The following SPHKAP variants were observed in gnomAD, a reference collection of about 807,000 sequenced individuals.
SPHKAP encodes SPHK1 interactor, AKAP domain containing.
In SPHKAP, 67 loss-of-function variants were observed where a neutral mutation model predicts 137.5. The observed-to-expected ratio is 0.49, with a 90% CI of 0.40 to 0.60. SPHKAP has a LOEUF of 0.60. SPHKAP is among the 20% of genes least tolerant of loss of function. The pLI, the probability that SPHKAP is intolerant of heterozygous loss-of-function variation, is 0.00. For synonymous variants in SPHKAP, 813 were observed against 785.3 expected, an observed-to-expected ratio of 1.04 and a Z score of -0.59; for missense variants, 2,097 against 2,069.3, an observed-to-expected ratio of 1.01 and a Z score of -0.26.
At chr2:228,051,184 T>C (rs1294581377) in intron 3 of SPHKAP, among the ~76,000 whole-genome samples, 1 of 152,226 alleles carries the variant, frequency 6.6e-6, no homozygotes, top group African/African-American at 2.4e-5. Flanking sequence ...GTTTGCCTTG[T>C]TGTGATCAGG....
intron 1 of SPHKAP, among the ~76,000 whole-genome samples, chr2:228,155,581 G>T (rs1700083885): frequency 6.6e-6 from 1 of 152,092 alleles, no homozygotes; most frequent in Non-Finnish European, 1.5e-5. Context: ...TTTTCCCGAG[G>T]CTGAGCAGAT....
intron 1 of SPHKAP, among the ~76,000 whole-genome samples, chr2:228,157,133 G>A (rs925096945): frequency 6.6e-6 from 1 of 151,788 alleles, no homozygotes; most frequent in African/African-American, 2.4e-5. Context: ...TGTAAGATAT[G>A]AAGGAAAATA....
At chr2:228,031,122 G>GA (rs1398078585) in intron 3 of SPHKAP, among the ~76,000 whole-genome samples, 1 of 152,194 alleles carries the variant, frequency 6.6e-6, no homozygotes, top group Admixed American at 6.5e-5. Flanking sequence ...CCTAGTCAAA[G>GA]AAAGGGGTGA....
Position 227,981,584 on chromosome 2 carries a change from GAGT to G in SPHKAP, c.*130_*132del. 1.7e-6 allele frequency: 2 copies of G among 1,198,366 alleles called. No homozygotes were observed. The highest frequency in any genetic ancestry group is 2.3e-6 in the Non-Finnish European group (2 of 875,580). 74.2% of individuals were successfully genotyped at this position (1,198,366 alleles called of 1,614,324 possible). ...GACTTATTCTGTATGCAGTGGATCTGAGTAGCAGATTTTTTTTTATAGTTCTGC... is the reference window on the plus strand; with the variant it reads ...GACTTATTCTGTATGCAGTGGATCTGAGCAGATTTTTTTTTATAGTTCTGC... On this transcript the variant is annotated 3_prime_UTR_variant, in exon 12 of 12. Transcript: ENST00000392056.
At chr2:227,989,290 C>G (rs1285338957) in intron 11 of SPHKAP, among the ~76,000 whole-genome samples, 1 of 152,160 alleles carries the variant, frequency 6.6e-6, no homozygotes, top group Non-Finnish European at 1.5e-5. Context: ...GGGGCTTGGC[C>G]TGGGAAATCG....
chr2:228,067,164 G>A (rs180944841), intron 3 of SPHKAP, among the ~76,000 whole-genome samples: 35 of 152,306 alleles, frequency 2.3e-4, no homozygotes, highest in East Asian at 2.1e-3. Flanking sequence ...CTCTGTTTCA[G>A]CACAGAAGTG....
At position 228,108,841 on chromosome 2, in the gene SPHKAP, G is replaced by C. The variant is rs1263445513; in HGVS notation, c.237C>G (p.Asn79Lys). 1.2e-6 allele frequency: 2 copies of C among 1,607,040 alleles called. No homozygotes were observed. The highest frequency in any genetic ancestry group is 1.1e-5 in the South Asian group (1 of 90,040). The change falls in exon 3 of 12, where the codon AAC becomes AAG. Residue 79 changes from asparagine to lysine, a missense_variant. Physicochemically the swap from Asn to Lys is moderately conservative, Grantham distance 94. Transcript: ENST00000392056. ...AATTCTGTGTACTTACAGAAGCACAGTTTTCAGACTTGTCTTCTACAAAAC... is the reference window on the plus strand; with the variant it reads ...AATTCTGTGTACTTACAGAAGCACACTTTTCAGACTTGTCTTCTACAAAAC... ...QIGFVEDKSE[N>K]CASVCFVNLD...
chr2:228,015,715 C>T (rs772163089), intron 7 of SPHKAP, among the ~76,000 whole-genome samples: 2 of 152,162 alleles, frequency 1.3e-5, no homozygotes, highest in Non-Finnish European at 2.9e-5. Context: ...TGCATTTACA[C>T]TGCTAGAATT....
intron 4 of SPHKAP, chr2:228,025,911 G>C: frequency 1.0e-6 from 1 of 977,436 alleles, no homozygotes; most frequent in Non-Finnish European, 1.2e-6. Flanking sequence ...GCTTGGCTCT[G>C]TGTCCCCATC....
At chr2:228,003,061 G>T (rs1316158140) in intron 7 of SPHKAP, among the ~76,000 whole-genome samples, 1 of 152,224 alleles carries the variant, frequency 6.6e-6, no homozygotes, top group Non-Finnish European at 1.5e-5. Context: ...GCTCTTTTTT[G>T]GTTCCATGTG....
At chr2:228,119,456 T>TACACACACACACACACGC (rs55846474) in intron 2 of SPHKAP, among the ~76,000 whole-genome samples, 1 of 137,322 alleles carries the variant, frequency 7.3e-6, no homozygotes, top group African/African-American at 2.6e-5. Flanking sequence ...AAGCCTAGTA[T>TACACACACACACACACGC]ACACACACAC....
intron 1 of SPHKAP, among the ~76,000 whole-genome samples, chr2:228,167,297 A>AT (rs945555356): frequency 1.3e-5 from 2 of 151,716 alleles, no homozygotes; most frequent in Non-Finnish European, 2.9e-5. Context: ...AAGTCACCAC[A>AT]TTTTTTTTCA....
At position 228,132,087 on chromosome 2, in the gene SPHKAP, T is replaced by A; in HGVS notation, c.33-2A>T. On this transcript the variant is annotated splice_acceptor_variant, in intron 1 of 11. Coordinates refer to ENST00000392056, the MANE Select transcript of SPHKAP (RefSeq NM_001142644.2). LOFTEE classifies it high-confidence loss of function. ...TACATCCGTGATGACTCCAAGTTGC[T>A]GTTTGTGACCCAAAACACAAAAACA... The A allele has an allele frequency of 6.2e-7, 1 of 1,613,332 alleles. No homozygotes were observed. Among genetic ancestry groups the A allele is most frequent in the East Asian group, 2.2e-5 (1 of 44,870 alleles).
At chr2:228,133,506 A>G (rs1011444652) in intron 1 of SPHKAP, among the ~76,000 whole-genome samples, 23 of 152,184 alleles carry the variant, frequency 1.5e-4, no homozygotes, top group African/African-American at 5.5e-4. Context: ...AAATATAATA[A>G]TTTGGACTTT....
chr2:228,176,626 A>T (rs1399443095), intron 1 of SPHKAP, among the ~76,000 whole-genome samples: 1 of 152,166 alleles, frequency 6.6e-6, no homozygotes, highest in Non-Finnish European at 1.5e-5. Context: ...TGTAATCCCA[A>T]CACTTCGGGA....
chr2:228,122,291 T>A lies in SPHKAP; in HGVS notation c.138+9689A>T, dbSNP rs186512626. 5.9e-3 allele frequency among the ~76,000 whole-genome samples: 896 copies of A among 151,842 alleles called. 12 individuals carry two copies. The highest frequency in any genetic ancestry group is 0.021 in the African/African-American group (848 of 41,278). Reference sequence around the variant, plus strand: ...AGTTTTCAGAGTCCCCCCTTTTGATTTTTTTTTAAAAAGAAAAAAGTAACA... The same window carrying A: ...AGTTTTCAGAGTCCCCCCTTTTGATATTTTTTTAAAAAGAAAAAAGTAACA... On this transcript the variant is annotated intron_variant, in intron 2 of 11. Transcript: ENST00000392056.
In SPHKAP at chr2:228,013,314, C is replaced by A. The variant is rs183216640; in HGVS notation, c.4448+3092G>T. Among the ~76,000 whole-genome samples, 11 of 152,256 alleles carry A rather than the reference C, an allele frequency of 7.2e-5. No individual in the cohort carries two copies. The East Asian group carries it at 2.1e-3, about 29-fold the overall frequency. ...TCACCCAGGCTGGAGTGCAGAGGCACGATCTCGGCTCACTGCAACCTCCAC... is the reference window on the plus strand; with the variant it reads ...TCACCCAGGCTGGAGTGCAGAGGCAAGATCTCGGCTCACTGCAACCTCCAC... On this transcript the variant is annotated intron_variant, in intron 7 of 11. Transcript: ENST00000392056.
At chr2:228,158,636 A>G (rs1228270393) in intron 1 of SPHKAP, among the ~76,000 whole-genome samples, 1 of 152,230 alleles carries the variant, frequency 6.6e-6, no homozygotes, top group Non-Finnish European at 1.5e-5. Context: ...TAGTTCACCC[A>G]AGTGATCCCA....
chr2:228,158,186 C>T (rs1318897607), intron 1 of SPHKAP, among the ~76,000 whole-genome samples: 1 of 152,184 alleles, frequency 6.6e-6, no homozygotes, highest in Non-Finnish European at 1.5e-5. Context: ...GTTGACCATA[C>T]ATTCAAGCAA....
Sources: allele counts gnomAD v4.1 joint callset (sites outside exome capture counted in the v4.1 genomes callset), GRCh38; gene constraint gnomAD v4.1.1; transcripts MANE v1.5; gene names NCBI Gene and HGNC (gene_info 2026-07-23, HGNC 2026-07-21).